Variants in PRKCA observed in about 807,000 individuals in gnomAD.
PRKCA encodes the protein protein kinase C alpha type.
In PRKCA, 27 loss-of-function variants were observed where a neutral mutation model predicts 87.0. That is an observed-to-expected ratio of 0.31 (90% CI 0.23 to 0.43). The LOEUF (loss-of-function observed/expected upper bound fraction) is 0.43. Among genes scored for constraint, PRKCA ranks in the 20% least tolerant of loss-of-function variants. PRKCA has a pLI of 1.00. For missense variants in PRKCA, 518 were observed against 852.3 expected, an observed-to-expected ratio of 0.61 and a Z score of 4.88; for synonymous variants, 329 against 311.1, an observed-to-expected ratio of 1.06 and a Z score of -0.61.
intron 3 of PRKCA, among the ~76,000 whole-genome samples, chr17:66,606,208 T>C (rs1970205076): frequency 6.6e-6 from 1 of 151,984 alleles, no homozygotes; most frequent in Non-Finnish European, 1.5e-5. Flanking sequence ...GCCAACATGG[T>C]GAAACCCCGT....
At chr17:66,479,487 A>G (rs902241106) in intron 2 of PRKCA, among the ~76,000 whole-genome samples, 1 of 152,214 alleles carries the variant, frequency 6.6e-6, no homozygotes, top group Admixed American at 6.5e-5. Flanking sequence ...CATTTGACCC[A>G]GCAATCCCAT....
chr17:66,646,415 T>C (rs1359666872), intron 5 of PRKCA, among the ~76,000 whole-genome samples: 1 of 152,104 alleles, frequency 6.6e-6, no homozygotes, highest in Non-Finnish European at 1.5e-5. Flanking sequence ...CCACTCCATG[T>C]TGGTGTATGG....
Position 66,735,809 on chromosome 17 carries a change from C to T in PRKCA, c.1230+147C>T. 8.4e-6 allele frequency: 7 copies of T among 831,542 alleles called. No homozygotes were observed. In the South Asian group the frequency reaches 9.4e-5, roughly 11 times the overall value. 51.5% of individuals were successfully genotyped at this position (831,542 alleles called of 1,614,324 possible). A position where few individuals can be genotyped will look rare whatever the true frequency, so the allele number is the denominator to read the frequency against. On this transcript the variant is annotated intron_variant, in intron 10 of 16. Transcript: ENST00000413366. ...AGCAGAGGTGACTGGGGACCACCTC[C>T]CACCTCTCTCACTGGTAGATTTGGG...
chr17:66,457,110 G>A (rs17771145), intron 2 of PRKCA, among the ~76,000 whole-genome samples: 18,757 of 152,182 alleles, frequency 0.12, 1,287 homozygotes, highest in Middle Eastern at 0.2. Context: ...ATGCCAGAGC[G>A]ATTTAATATT....
At chr17:66,454,649 A>T (rs1170010999) in intron 2 of PRKCA, among the ~76,000 whole-genome samples, 1 of 152,228 alleles carries the variant, frequency 6.6e-6, no homozygotes, top group Non-Finnish European at 1.5e-5. Context: ...GCCAAGCGAA[A>T]CAAGTTTCCC....
At position 66,370,451 on chromosome 17, in the gene PRKCA, G is replaced by A. The variant is rs146534097; in HGVS notation, c.205+64324G>A. Among the ~76,000 whole-genome samples the A allele has an allele frequency of 2.4e-3, 360 of 151,458 alleles. 9 individuals are homozygous for A. In the East Asian group the frequency reaches 0.064, roughly 27 times the overall value. On this transcript the variant is annotated intron_variant, in intron 2 of 16. Transcript: ENST00000413366. ...CGAACAGTGGTTAACAGTTAGTGAG[G>A]CATTGCCAGGTGCAGTATGTGAGGT...
intron 14 of PRKCA, among the ~76,000 whole-genome samples, chr17:66,781,348 G>A (rs1975205801): frequency 6.6e-6 from 1 of 152,180 alleles, no homozygotes; most frequent in Non-Finnish European, 1.5e-5. Flanking sequence ...CAGAGCTGCT[G>A]CTCCAGCCTT....
At chr17:66,478,482 G>A (rs1363340532) in intron 2 of PRKCA, among the ~76,000 whole-genome samples, 1 of 152,068 alleles carries the variant, frequency 6.6e-6, no homozygotes, top group African/African-American at 2.4e-5. Flanking sequence ...TTGAACTCCT[G>A]ACCTCAGGTG....
chr17:66,536,678 G>C (rs559982979), intron 3 of PRKCA, among the ~76,000 whole-genome samples: 1 of 152,244 alleles, frequency 6.6e-6, no homozygotes, highest in East Asian at 1.9e-4. Context: ...AATGATGGTG[G>C]TTATCACTTT....
Position 66,496,239 on chromosome 17 carries a change from G to C in PRKCA, c.244G>C (p.Val82Leu). Residue 82 changes from valine (V) to leucine (L), a missense_variant, in exon 3 of 17, where the codon GTT (valine) becomes CTT (leucine). Val to Leu is a conservative substitution (Grantham distance 32). This residue lies in a region of PRKCA where 300 missense variants were observed against 496.8 expected (regional missense o/e 0.60). Transcript: ENST00000413366. ...GGTCCACAAGAGGTGCCATGAATTT[G>C]TTACTTTTTCTTGTCCGGGTGCGGA... ...FVVHKRCHEF[V>L]TFSCPGADKG... 1 of 1,614,074 alleles carries C rather than the reference G, an allele frequency of 6.2e-7. No individual in the cohort carries two copies. The highest frequency in any genetic ancestry group is 8.5e-7 in the Non-Finnish European group (1 of 1,179,970).
chr17:66,547,288 A>G (rs1968172228), intron 3 of PRKCA, among the ~76,000 whole-genome samples: 2 of 152,148 alleles, frequency 1.3e-5, no homozygotes, highest in African/African-American at 2.4e-5. Flanking sequence ...GAATCACTCA[A>G]TGCAGTCAGC....
intron 2 of PRKCA, among the ~76,000 whole-genome samples, chr17:66,466,231 G>A (rs1025058885): frequency 3.3e-5 from 5 of 152,342 alleles, no homozygotes; most frequent in Admixed American, 3.3e-4. Context: ...GTCGGTGAAT[G>A]AAATTTTGGA....
At chr17:66,583,971 T>C (rs1225022459) in intron 3 of PRKCA, among the ~76,000 whole-genome samples, 1 of 152,192 alleles carries the variant, frequency 6.6e-6, no homozygotes, top group Admixed American at 6.5e-5. Context: ...TGCTGTTAGT[T>C]TCCTGGGTTG....
chr17:66,551,661 C>T (rs182200495), intron 3 of PRKCA, among the ~76,000 whole-genome samples: 1 of 152,206 alleles, frequency 6.6e-6, no homozygotes, highest in African/African-American at 2.4e-5. Context: ...ATTGTTTGAA[C>T]ACTTAAGTAC....
intron 2 of PRKCA, among the ~76,000 whole-genome samples, chr17:66,318,854 CA>C (rs998079407): frequency 4.2e-4 from 58 of 138,398 alleles, no homozygotes; most frequent in Admixed American, 4.3e-4. Flanking sequence ...GACTCGGTCT[CA>C]AAAAAAAAAA....
At chr17:66,657,825 C>T (rs552149362) in intron 5 of PRKCA, among the ~76,000 whole-genome samples, 1 of 152,284 alleles carries the variant, frequency 6.6e-6, no homozygotes, top group African/African-American at 2.4e-5. Flanking sequence ...CTTAAAACTT[C>T]TGGCTTCTGA....
At chr17:66,426,850 C>T (rs955212042) in intron 2 of PRKCA, among the ~76,000 whole-genome samples, 6 of 152,132 alleles carry the variant, frequency 3.9e-5, no homozygotes, top group Non-Finnish European at 8.8e-5. Context: ...GCAGTGGCAG[C>T]CATCCTGTGA....
intron 2 of PRKCA, among the ~76,000 whole-genome samples, chr17:66,379,394 T>C (rs181569552): frequency 1.3e-5 from 2 of 152,252 alleles, no homozygotes; most frequent in African/African-American, 4.8e-5. Context: ...ATCAGCCATA[T>C]GTGTTTTGGA....
intron 3 of PRKCA, among the ~76,000 whole-genome samples, chr17:66,580,329 C>T (rs959782790): frequency 3.3e-5 from 5 of 152,178 alleles, no homozygotes; most frequent in Non-Finnish European, 7.4e-5. Flanking sequence ...AATCTGTGCA[C>T]GACCTGCTGG....
Sources: gnomAD v4.1 joint callset for allele counts (sites outside exome capture counted in the v4.1 genomes callset) on GRCh38, gnomAD v4.1.1 for gene constraint, gnomAD v4.1.1 regional missense constraint, MANE v1.5 for transcripts, NCBI Gene and HGNC (gene_info 2026-07-23, HGNC 2026-07-21) for gene names.